The following TMEM260 variants were observed in gnomAD, a reference collection of about 807,000 sequenced individuals.
TMEM260 encodes the protein protein O-mannosyl-transferase TMEM260.
A neutral mutation model predicts 88.9 loss-of-function variants in TMEM260; 82 were observed. That is an observed-to-expected ratio of 0.92 (90% CI 0.77 to 1.11). The LOEUF (loss-of-function observed/expected upper bound fraction) is 1.11, where lower values mean the gene tolerates loss of function less well. Ranked by LOEUF, TMEM260 falls within the 50% of genes least tolerant of loss-of-function variation. The probability of loss-of-function intolerance (pLI) is 0.00; values close to 1 mark genes in which losing one functional copy is unlikely to be tolerated. For synonymous variants in TMEM260, 314 were observed against 309.3 expected, an observed-to-expected ratio of 1.02 and a Z score of -0.16; for missense variants, 902 against 853.4, an observed-to-expected ratio of 1.06 and a Z score of -0.71.
chr14:56,585,393 G>T (rs1002099523), intron 2 of TMEM260, among the ~76,000 whole-genome samples: 1 of 152,016 alleles, frequency 6.6e-6, no homozygotes, highest in East Asian at 1.9e-4. Context: ...GTGGTAATCC[G>T]ATAGCAGTGT....
chr14:56,662,177 C>T, the TMEM260 span, among the ~76,000 whole-genome samples: 1 of 152,236 alleles, frequency 6.6e-6, no homozygotes, highest in Non-Finnish European at 1.5e-5. Context: ...TCTCAGATAG[C>T]TACTTTTCTT....
chr14:56,601,519 A>G (rs1173283873), intron 3 of TMEM260, among the ~76,000 whole-genome samples: 1 of 152,092 alleles, frequency 6.6e-6, no homozygotes, highest in Non-Finnish European at 1.5e-5. Context: ...TTGGTAATTC[A>G]TCTATTTATA....
rs367815343 is a variant in TMEM260, at chr14:56,636,540, C to T, written c.1811C>T (p.Ala604Val). ...ACACCGTTCTTCATCTTTAACCTGG[C>T]AGAAACTGCTCACATGCCTTCAAAA... ...MKTPFFIFNL[A>V]ETAHMPSKVK... The change falls in exon 15 of 16, where the codon GCA becomes GTA. Residue 604 changes from alanine to valine, a missense_variant. By Grantham distance (64) the Ala-to-Val change is moderately conservative. Coordinates refer to ENST00000261556, the MANE Select transcript of TMEM260 (RefSeq NM_017799.4). The T allele has an allele frequency of 8.1e-6, 13 of 1,613,886 alleles. No homozygotes were observed. The South Asian group carries it at 8.8e-5, about 11-fold the overall frequency.
At chr14:56,661,552 GAGGGAGGGA>G in the TMEM260 span, among the ~76,000 whole-genome samples, 3 of 130,230 alleles carry the variant, frequency 2.3e-5, no homozygotes, top group African/African-American at 5.8e-5. Flanking sequence ...GGGAGGGAGG[GAGGGAGGGA>G]AAGAGGGAAG....
At chr14:56,613,826 A>G (rs1376338541) in intron 7 of TMEM260, 1 of 151,914 alleles carries the variant, frequency 6.6e-6, no homozygotes, top group East Asian at 2.0e-4. Flanking sequence ...TTGGGAAGCC[A>G]AAGTGGGAGG....
intron 3 of TMEM260, among the ~76,000 whole-genome samples, chr14:56,600,263 C>A (rs193164300): frequency 6.6e-6 from 1 of 152,234 alleles, no homozygotes; most frequent in East Asian, 1.9e-4. Context: ...TAGAGGCGTA[C>A]GTCCTCTCTT....
At position 56,647,331 on chromosome 14, in the gene TMEM260, T is replaced by C. The variant is rs750287888; in HGVS notation, c.1958T>C (p.Leu653Pro). The C allele has an allele frequency of 6.2e-7, 1 of 1,614,234 alleles. No individual in the cohort carries two copies. Among genetic ancestry groups the C allele is most frequent in the South Asian group, 1.1e-5 (1 of 91,088 alleles). Residue 653 changes from leucine (L) to proline (P), a missense_variant, in exon 16 of 16, where the codon CTT (leucine) becomes CCT (proline). By Grantham distance (98) the Leu-to-Pro change is moderately conservative. Transcript: ENST00000261556. The stretch of plus-strand genomic sequence containing the variant: ...ATCGCCTGTGAGCGGATGCTGCGTC[T>C]TCAGGCAAGAGATGCAGATCCTGAA... ...YAIACERMLRLQARDADPEVL... is the reference protein window; with the variant it reads ...YAIACERMLRPQARDADPEVL...
rs980630207 is a variant in TMEM260, at chr14:56,647,347, A to G, written c.1974A>G (p.Ala658=). ...TGCTGCGTCTTCAGGCAAGAGATGCAGATCCTGAAGTGCTGTTATCGGAAA... is the reference window on the plus strand; with the variant it reads ...TGCTGCGTCTTCAGGCAAGAGATGCGGATCCTGAAGTGCTGTTATCGGAAA... The part of the protein sequence containing the change: ...ERMLRLQARD[A]DPEVLLSETI... Residue 658 remains alanine, a synonymous_variant, in exon 16 of 16, where the codon GCA becomes GCG. Transcript: ENST00000261556. 6.2e-7 allele frequency: 1 copy of G among 1,614,126 alleles called. No homozygotes were observed. Among genetic ancestry groups the G allele is most frequent in the Non-Finnish European group, 8.5e-7 (1 of 1,180,058 alleles).
At chr14:56,629,967 G>A (rs532463248) in intron 12 of TMEM260, among the ~76,000 whole-genome samples, 1 of 152,100 alleles carries the variant, frequency 6.6e-6, no homozygotes, top group Non-Finnish European at 1.5e-5. Context: ...TTTGAATGCA[G>A]GAGTTTGAGG....
At chr14:56,636,651 GTGA>G in intron 15 of TMEM260, 53 bp downstream of exon 15, 1 of 1,487,838 alleles carries the variant, frequency 6.7e-7, no homozygotes, top group East Asian at 2.3e-5. Flanking sequence ...GAAGGTGATG[GTGA>G]TTGTTCAGAA....
chr14:56,646,881 A>G (rs111244789), intron 15 of TMEM260, among the ~76,000 whole-genome samples: 3 of 152,084 alleles, frequency 2.0e-5, no homozygotes, highest in Admixed American at 1.3e-4. Context: ...CAACAGCTAA[A>G]TTTAGAGTTT....
intron 15 of TMEM260, among the ~76,000 whole-genome samples, chr14:56,637,609 G>T (rs562536733): frequency 6.6e-6 from 1 of 152,260 alleles, no homozygotes; most frequent in South Asian, 2.1e-4. Context: ...GAAAACAGAG[G>T]GTAGGACCTG....
rs1566518443 is a variant in TMEM260, at chr14:56,579,859, T to C, written c.-56T>C. The C allele has an allele frequency of 2.4e-6, 3 of 1,227,234 alleles. No individual in the cohort carries two copies. Among genetic ancestry groups the C allele is most frequent in the Middle Eastern group, 3.1e-4 (1 of 3,222 alleles). The allele number at this position is 1,227,234 out of a possible 1,614,324, so 76.0% of individuals were successfully genotyped here. On this transcript the variant is annotated 5_prime_UTR_variant, in exon 1 of 16. Coordinates refer to ENST00000261556, the MANE Select transcript of TMEM260 (RefSeq NM_017799.4). ...CTCGTCTCTCGGCTGGGGAGCTCCG[T>C]GTCGCACCGGGTTCTTGGGCTGGCC...
intron 1 of TMEM260, among the ~76,000 whole-genome samples, chr14:56,584,024 GTGTA>G (rs1392301209): frequency 7.9e-5 from 11 of 139,294 alleles, no homozygotes; most frequent in African/African-American, 1.9e-4. Flanking sequence ...GTGTGTGTGT[GTGTA>G]TGTGTTTAGG....
intron 7 of TMEM260, chr14:56,612,918 A>C (rs1053535183): frequency 1.3e-5 from 2 of 152,102 alleles, no homozygotes; most frequent in African/African-American, 4.8e-5. Flanking sequence ...TTTTCTTGTT[A>C]TTTTGGATTT....
rs572696147 is a variant in TMEM260 at position 56,601,970 on chromosome 14, A to G, written c.345-1845A>G. ...CCAAGGATGCTAATTTCGGTTTTAA[A>G]TAGAGGAAGGAATATTGTATCTTAT... On this transcript the variant is annotated intron_variant, in intron 3 of 15. Transcript: ENST00000261556. Among the ~76,000 whole-genome samples the G allele has an allele frequency of 1.5e-4, 23 of 152,272 alleles. No homozygotes were observed. In the East Asian group the frequency reaches 3.1e-3, roughly 20 times the overall value.
intron 3 of TMEM260, among the ~76,000 whole-genome samples, chr14:56,596,063 A>G (rs906511997): frequency 1.3e-5 from 2 of 152,092 alleles, no homozygotes; most frequent in Non-Finnish European, 2.9e-5. Context: ...CCAAGACACC[A>G]TTTATATAGT....
At chr14:56,612,663 A>G (rs1168545916) in intron 7 of TMEM260, 2 of 173,330 alleles carry the variant, frequency 1.2e-5, no homozygotes, top group Non-Finnish European at 2.4e-5. Context: ...AAGAAAAAAC[A>G]TCTGTATATG....
At chr14:56,592,196 A>C (rs1260799673) in intron 3 of TMEM260, among the ~76,000 whole-genome samples, 1 of 152,204 alleles carries the variant, frequency 6.6e-6, no homozygotes, top group Non-Finnish European at 1.5e-5. Context: ...AATGACAGTA[A>C]ATTTTTCTAA....
Sources: gnomAD v4.1 joint callset for allele counts (sites outside exome capture counted in the v4.1 genomes callset) on GRCh38, gnomAD v4.1.1 for gene constraint, MANE v1.5 for transcripts, NCBI Gene and HGNC (gene_info 2026-07-23, HGNC 2026-07-21) for gene names.